ADGRL3: variants seen among roughly 807,000 people sequenced by gnomAD.
ADGRL3 encodes adhesion G protein-coupled receptor L3, also known as calcium-independent alpha-latrotoxin receptor 3.
ADGRL3 carries 62 observed loss-of-function variants against 153.5 expected under a neutral mutation model. The ratio of observed to expected loss-of-function variants is 0.40; its 90% confidence interval spans 0.33 to 0.50. ADGRL3 has a LOEUF of 0.50. Among genes scored for constraint, ADGRL3 ranks in the 20% least tolerant of loss-of-function variants. The pLI, the probability that ADGRL3 is intolerant of heterozygous loss-of-function variation, is 0.47. For synonymous variants in ADGRL3, 710 were observed against 672.5 expected (o/e 1.06, Z -0.86); for missense variants, 1,641 against 1,859.4 (o/e 0.88, Z 2.16).
rs534607455 is a variant in ADGRL3 at position 61,644,268 on chromosome 4, G to GATTTTT, written c.474-32558_474-32557insATTTTT. ...CCTGGATTCATTAATTTTTTGAAGG[G>GATTTTT]TTTTTTGTGTCTCTATTTCCTTCAG... is the stretch of plus-strand genomic sequence containing the variant. On this transcript the variant is annotated intron_variant, in intron 5 of 26. Coordinates refer to ENST00000683033, the MANE Select transcript of ADGRL3 (RefSeq NM_001387552.1). 6.2e-4 allele frequency among the ~76,000 whole-genome samples: 90 copies of GATTTTT among 145,534 alleles called. 2 individuals carry two copies. Among genetic ancestry groups the GATTTTT allele is most frequent in the Admixed American group, 4.2e-4 (6 of 14,422 alleles).
In ADGRL3 at chr4:61,559,816, A is replaced by ATT. The variant is rs34531875; in HGVS notation, c.260-27403_260-27402dup. Among the ~76,000 whole-genome samples, 11 of 151,226 alleles carry ATT rather than the reference A, an allele frequency of 7.3e-5. No individual in the cohort carries two copies. In the East Asian group the frequency reaches 7.8e-4, roughly 11 times the overall value. On this transcript the variant is annotated intron_variant, in intron 4 of 26. Transcript: ENST00000683033. Reference sequence around the variant, plus strand: ...GGGGTACTTAGGCAAAACCATAATCATTTTTTTTTAATTCTCGTGTTATAT... The same window carrying ATT: ...GGGGTACTTAGGCAAAACCATAATCATTTTTTTTTTTAATTCTCGTGTTATAT...
intron 3 of ADGRL3, among the ~76,000 whole-genome samples, chr4:61,502,223 G>A (rs2098393974): frequency 6.6e-6 from 1 of 152,114 alleles, no homozygotes; most frequent in South Asian, 2.1e-4. Flanking sequence ...CTTGGGCTGG[G>A]AGATCTGTTC....
At chr4:61,922,043 G>A (rs1220499189) in intron 13 of ADGRL3, among the ~76,000 whole-genome samples, 2 of 152,138 alleles carry the variant, frequency 1.3e-5, no homozygotes, top group Non-Finnish European at 1.5e-5. Context: ...GGTAGAACTT[G>A]TATTGACTTA....
Position 61,788,637 on chromosome 4 carries a change from C to T in ADGRL3, c.1400-25172C>T, listed in dbSNP as rs377555713. 3.3e-5 allele frequency among the ~76,000 whole-genome samples: 5 copies of T among 152,058 alleles called. No homozygotes were observed. In the South Asian group the frequency reaches 1.0e-3, roughly 32 times the overall value. ...TTTAACAAAACAAGTTTCTTTAACA[C>T]CCCCAAAAGATCAAAAAACTCACCA... is the stretch of plus-strand genomic sequence containing the variant. On this transcript the variant is annotated intron_variant, in intron 8 of 26. Coordinates refer to ENST00000683033, the MANE Select transcript of ADGRL3 (RefSeq NM_001387552.1).
chr4:61,530,040 G>A (rs990162401), intron 4 of ADGRL3, among the ~76,000 whole-genome samples: 10 of 152,044 alleles, frequency 6.6e-5, no homozygotes, highest in Non-Finnish European at 1.2e-4. Flanking sequence ...AGTTTCTAAG[G>A]AAATTAATGA....
At chr4:61,979,834 A>G in intron 18 of ADGRL3, 62 bp downstream of exon 18, 1 of 1,236,232 alleles carries the variant, frequency 8.1e-7, no homozygotes. Flanking sequence ...CAGTAGCGCC[A>G]ATACTAAAAA....
chr4:61,995,104 A>G (rs1229420185), intron 19 of ADGRL3, among the ~76,000 whole-genome samples: 4 of 151,684 alleles, frequency 2.6e-5, no homozygotes, highest in Non-Finnish European at 4.4e-5. Context: ...AGGTTTTGCC[A>G]TGTTGCCTAG....
intron 5 of ADGRL3, among the ~76,000 whole-genome samples, chr4:61,647,354 TA>T (rs1211291689): frequency 6.6e-6 from 1 of 152,130 alleles, no homozygotes; most frequent in Non-Finnish European, 1.5e-5. Context: ...ACTTTGAATT[TA>T]CAGACGAAAA....
At chr4:61,296,719 A>C (rs1305126518) in intron 1 of ADGRL3, among the ~76,000 whole-genome samples, 1 of 152,190 alleles carries the variant, frequency 6.6e-6, no homozygotes, top group Non-Finnish European at 1.5e-5. Context: ...CATTTTCAAA[A>C]TATAGTATCA....
intron 3 of ADGRL3, among the ~76,000 whole-genome samples, chr4:61,502,550 T>C (rs1201235597): frequency 1.3e-5 from 2 of 151,972 alleles, no homozygotes; most frequent in Non-Finnish European, 2.9e-5. Context: ...TCAGGGACTT[T>C]ACTGGTTAGC....
intron 6 of ADGRL3, among the ~76,000 whole-genome samples, chr4:61,719,604 CTT>C (rs11383976): frequency 8.8e-5 from 12 of 137,018 alleles, no homozygotes; most frequent in Admixed American, 1.5e-4. Flanking sequence ...TCTGTCATAC[CTT>C]TTTTTTTTTT....
chr4:62,042,983 T>A (rs1253032332), intron 24 of ADGRL3, among the ~76,000 whole-genome samples: 1 of 152,116 alleles, frequency 6.6e-6, no homozygotes, highest in Admixed American at 6.6e-5. Context: ...TGAAATCATT[T>A]AGTACATACT....
chr4:61,697,697 A>G (rs12499359), intron 6 of ADGRL3, among the ~76,000 whole-genome samples: 90,612 of 151,960 alleles, frequency 0.6, 28,314 homozygotes, highest in Non-Finnish European at 0.72. Context: ...AATAGGTAAA[A>G]ACATCCAAAA....
At chr4:61,379,964 C>G (rs1257365276) in intron 1 of ADGRL3, among the ~76,000 whole-genome samples, 1 of 151,842 alleles carries the variant, frequency 6.6e-6, no homozygotes, top group Non-Finnish European at 1.5e-5. Flanking sequence ...GGCTTTTTTG[C>G]CTTCAAATTC....
intron 13 of ADGRL3, among the ~76,000 whole-genome samples, chr4:61,934,113 GAGAATT>G (rs1352982274): frequency 6.6e-6 from 1 of 152,176 alleles, no homozygotes; most frequent in Non-Finnish European, 1.5e-5. Flanking sequence ...ATGAAGCAAT[GAGAATT>G]GTAGTGCTTT....
At chr4:61,506,988 C>T (rs2098434947) in intron 3 of ADGRL3, among the ~76,000 whole-genome samples, 1 of 152,130 alleles carries the variant, frequency 6.6e-6, no homozygotes. Context: ...TACTTTCACT[C>T]ATTACTGATT....
chr4:62,054,745 A>G (rs898616463), intron 25 of ADGRL3, among the ~76,000 whole-genome samples: 1 of 151,668 alleles, frequency 6.6e-6, no homozygotes, highest in Non-Finnish European at 1.5e-5. Context: ...GCTAGTGCCC[A>G]TGTTGTATAA....
At chr4:61,734,696 C>G (rs953747865) in intron 8 of ADGRL3, among the ~76,000 whole-genome samples, 48 of 152,116 alleles carry the variant, frequency 3.2e-4, no homozygotes, top group African/African-American at 1.1e-3. Context: ...CAAACCATAT[C>G]AACTAGCCAT....
At chr4:61,761,599 G>T (rs987433867) in intron 8 of ADGRL3, among the ~76,000 whole-genome samples, 1 of 152,024 alleles carries the variant, frequency 6.6e-6, no homozygotes, top group Non-Finnish European at 1.5e-5. Context: ...TTCAATACCA[G>T]CCTGAGCAAC....
Sources: allele counts gnomAD v4.1 joint callset (sites outside exome capture counted in the v4.1 genomes callset), GRCh38; gene constraint gnomAD v4.1.1; transcripts MANE v1.5; gene names NCBI Gene and HGNC (gene_info 2026-07-23, HGNC 2026-07-21).